The following TPD52 variants were observed in gnomAD, a reference collection of about 807,000 sequenced individuals.
TPD52 encodes the protein prostate and colon associated protein.
TPD52 carries 17 observed loss-of-function variants against 31.3 expected under a neutral mutation model. The ratio of observed to expected loss-of-function variants is 0.54; its 90% CI spans 0.37 to 0.82. The LOEUF (loss-of-function observed/expected upper bound fraction) is 0.82, where lower values mean the gene tolerates loss of function less well. Ranked by LOEUF, TPD52 falls within the 40% of genes least tolerant of loss-of-function variation. TPD52 has a pLI of 0.00. For synonymous variants in TPD52, 83 were observed against 89.6 expected, an observed-to-expected ratio of 0.93 and a Z score of 0.42; for missense variants, 212 against 240.1, an observed-to-expected ratio of 0.88 and a Z score of 0.77.
chr8:80,062,347 G>A (rs1812640093), intron 2 of TPD52, among the ~76,000 whole-genome samples: 1 of 152,164 alleles, frequency 6.6e-6, no homozygotes, highest in Non-Finnish European at 1.5e-5. Flanking sequence ...GCAAAAGAAT[G>A]AAGTTAGATC....
downstream of TPD52, among the ~76,000 whole-genome samples, chr8:80,031,920 A>C (rs1563548428): frequency 6.6e-6 from 1 of 152,138 alleles, no homozygotes. Context: ...TGGGAGGCCA[A>C]GGAGGGCAGA....
intron 1 of TPD52, among the ~76,000 whole-genome samples, chr8:80,099,131 T>C (rs151088736): frequency 2.6e-5 from 4 of 152,310 alleles, no homozygotes; most frequent in Admixed American, 6.5e-5. Context: ...AACTCTTACA[T>C]ACACTGGGAA....
intron 5 of TPD52, among the ~76,000 whole-genome samples, chr8:80,049,533 T>G (rs1563569272): frequency 6.6e-6 from 1 of 152,186 alleles, no homozygotes; most frequent in Non-Finnish European, 1.5e-5. Flanking sequence ...AAGTACCTGT[T>G]TGCTTACTTA....
At chr8:80,065,265 C>CTATA (rs3053811) in intron 1 of TPD52, among the ~76,000 whole-genome samples, 3 of 147,966 alleles carry the variant, frequency 2.0e-5, no homozygotes, top group East Asian at 2.0e-4. Flanking sequence ...TTATATCTAT[C>CTATA]TATATATATC....
intron 1 of TPD52, among the ~76,000 whole-genome samples, chr8:80,117,769 A>G (rs1214426567): frequency 1.3e-4 from 15 of 115,660 alleles, no homozygotes; most frequent in Non-Finnish European, 2.4e-4. Flanking sequence ...GTCTTGCTCT[A>G]TTGCCCAGGC....
chr8:80,086,339 G>C (rs899899405), intron 1 of TPD52, among the ~76,000 whole-genome samples: 5 of 151,300 alleles, frequency 3.3e-5, no homozygotes, highest in African/African-American at 9.7e-5. Context: ...GGATGGTCTC[G>C]ATCTCCTGAC....
In TPD52 at chr8:80,102,250, G is replaced by C. The variant is rs985765739; in HGVS notation, c.20-37657C>G. 4.6e-5 allele frequency among the ~76,000 whole-genome samples: 7 copies of C among 152,158 alleles called. No individual in the cohort carries two copies. The East Asian group carries it at 5.8e-4, about 13-fold the overall frequency. ...TCAGGCAGGGTTGTAATCTCCAAAG[G>C]CTTGCTTCCAAGCTCACTCACTTTC... On this transcript the variant is annotated intron_variant, in intron 1 of 7. Transcript: ENST00000518937.
rs571086360 is a variant in TPD52, at chr8:80,098,597, T to C, written c.20-34004A>G. Among the ~76,000 whole-genome samples, 84 of 152,240 alleles carry C rather than the reference T, an allele frequency of 5.5e-4. 1 individual carries two copies. Among genetic ancestry groups the C allele is most frequent in the Admixed American group, 1.3e-3 (20 of 15,282 alleles). ...TGATTGAATAGCTGCAATCTCATGA[T>C]AACACTTGAAGGGATAAGGAGTTGC... On this transcript the variant is annotated intron_variant, in intron 1 of 7. Transcript: ENST00000518937.
intron 2 of TPD52, among the ~76,000 whole-genome samples, chr8:80,061,616 C>G (rs1381325561): frequency 6.6e-6 from 1 of 152,008 alleles, no homozygotes; most frequent in South Asian, 2.1e-4. Flanking sequence ...GCTGGGAGGT[C>G]AAGGCTGCCC....
rs1212447967 is a variant in TPD52, at chr8:80,035,097, G to A, written c.*3019C>T. 6.6e-6 allele frequency: 1 copy of A among 152,202 alleles called. No individual in the cohort carries two copies. The highest frequency in any genetic ancestry group is 1.5e-5 in the Non-Finnish European group (1 of 68,026). The allele number at this position is 152,202 out of a possible 1,614,324, so 9.4% of individuals were successfully genotyped here. On this transcript the variant is annotated 3_prime_UTR_variant, in exon 8 of 8. Transcript: ENST00000518937. Reference sequence around the variant, plus strand: ...GGTCTCTCTAATCTAATGAAAACAGGACAGTCACTGAAAATAAGGACTAAT... The same window carrying A: ...GGTCTCTCTAATCTAATGAAAACAGAACAGTCACTGAAAATAAGGACTAAT...
At chr8:80,065,317 A>G (rs569626238) in intron 1 of TPD52, among the ~76,000 whole-genome samples, 105 of 150,606 alleles carry the variant, frequency 7.0e-4, no homozygotes, top group Middle Eastern at 7.1e-3. Flanking sequence ...ATATATATAT[A>G]TCATCCAGAT....
intron 1 of TPD52, among the ~76,000 whole-genome samples, chr8:80,118,735 CCA>C (rs1261614157): frequency 6.6e-6 from 1 of 152,104 alleles, no homozygotes; most frequent in Non-Finnish European, 1.5e-5. Flanking sequence ...TGCTTCACAC[CCA>C]CTAGAATGGT....
intron 1 of TPD52, among the ~76,000 whole-genome samples, chr8:80,133,249 C>A (rs545776189): frequency 3.8e-4 from 58 of 152,256 alleles, no homozygotes; most frequent in Non-Finnish European, 6.9e-4. Context: ...CAATAATTAT[C>A]GGCCCCTCTT....
intron 1 of TPD52, among the ~76,000 whole-genome samples, chr8:80,087,995 G>A (rs545899097): frequency 6.6e-6 from 1 of 152,174 alleles, no homozygotes; most frequent in East Asian, 1.9e-4. Context: ...CAAAACCTCT[G>A]TGAGGTAAAC....
intron 2 of TPD52, among the ~76,000 whole-genome samples, chr8:80,059,207 C>G (rs1812229020): frequency 6.6e-6 from 1 of 151,666 alleles, no homozygotes. Context: ...TTTAAACAAC[C>G]AATGGGCCAA....
chr8:80,104,964 G>A (rs1807000963), intron 1 of TPD52, among the ~76,000 whole-genome samples: 1 of 152,040 alleles, frequency 6.6e-6, no homozygotes, highest in Admixed American at 6.5e-5. Context: ...GGTGGCTGAG[G>A]TAGGAGAATC....
intron 1 of TPD52, among the ~76,000 whole-genome samples, chr8:80,167,217 G>A (rs1563675543): frequency 6.6e-6 from 1 of 152,078 alleles, no homozygotes; most frequent in African/African-American, 2.4e-5. Context: ...ATAAAATTTG[G>A]GAATGTCTCA....
chr8:80,087,308 C>A (rs1201725257), intron 1 of TPD52, among the ~76,000 whole-genome samples: 1 of 152,174 alleles, frequency 6.6e-6, no homozygotes, highest in Non-Finnish European at 1.5e-5. Context: ...CTCCCCCACA[C>A]CTGTGTTGTT....
In TPD52 at chr8:80,038,078, A is replaced by C. The variant is rs983877172; in HGVS notation, c.*38T>G. ...CAAGATGTGCTTGGACCTCGCTTGC[A>C]GCATCTGGCAGTGGGTAGCAGAACA... On this transcript the variant is annotated 3_prime_UTR_variant, in exon 8 of 8. Coordinates refer to ENST00000518937, the MANE Select transcript of TPD52 (RefSeq NM_001025253.3). 6.2e-7 allele frequency: 1 copy of C among 1,607,242 alleles called. No individual in the cohort carries two copies.
Sources: gnomAD v4.1 joint callset for allele counts (sites outside exome capture counted in the v4.1 genomes callset) on GRCh38, gnomAD v4.1.1 for gene constraint, MANE v1.5 for transcripts, NCBI Gene and HGNC (gene_info 2026-07-23, HGNC 2026-07-21) for gene names.